The following CFAP54 variants were observed in gnomAD, a reference collection of about 807,000 sequenced individuals.
CFAP54 encodes the protein cilia- and flagella-associated protein 54.
Under a neutral mutation model 370.4 loss-of-function variants are expected in CFAP54, and 290 were observed. The ratio of observed to expected loss-of-function variants is 0.78; its 90% CI spans 0.71 to 0.86. The LOEUF (loss-of-function observed/expected upper bound fraction) is 0.86. Among genes scored for constraint, CFAP54 ranks in the 40% least tolerant of loss-of-function variants. CFAP54 has a pLI of 0.00. For missense variants in CFAP54, 3,399 were observed against 3,528.7 expected (o/e 0.96, Z 0.93); for synonymous variants, 1,206 against 1,236.5 (o/e 0.98, Z 0.52).
chr12:96,715,938 C>T (rs1957672957), intron 48 of CFAP54, among the ~76,000 whole-genome samples: 1 of 152,114 alleles, frequency 6.6e-6, no homozygotes, highest in African/African-American at 2.4e-5. Flanking sequence ...AACATAGCAG[C>T]TAGTTCACTT....
chr12:96,671,954 AAGAGAAAGAAAGAAAGAGAGAGAG>A (rs1957151357), intron 39 of CFAP54, among the ~76,000 whole-genome samples: 3 of 151,446 alleles, frequency 2.0e-5, no homozygotes, highest in Admixed American at 1.3e-4. Flanking sequence ...GAGAGAAGGA[AAGAGAAAGAAAGAAAGAGAGAGAG>A]AGAGAAAGAA....
intron 62 of CFAP54, among the ~76,000 whole-genome samples, chr12:96,788,298 A>G (rs1958648775): frequency 6.6e-6 from 1 of 152,196 alleles, no homozygotes; most frequent in South Asian, 2.1e-4. Context: ...CAGGAGCATG[A>G]GCACATTTTT....
In CFAP54 at chr12:96,573,448, G is replaced by A. The variant is rs375570020; in HGVS notation, c.2620-3137G>A. Among the ~76,000 whole-genome samples the A allele has an allele frequency of 2.5e-4, 38 of 152,224 alleles. No homozygotes were observed. In the East Asian group the frequency reaches 4.4e-3, roughly 18 times the overall value. ...TCACCTTTTGTTACCCTTCAAGGGA[G>A]TCCTGTTCTGTGGTACATTCGTCCC... is the stretch of plus-strand genomic sequence containing the variant. On this transcript the variant is annotated intron_variant, in intron 19 of 67. Transcript: ENST00000524981.
intron 63 of CFAP54, among the ~76,000 whole-genome samples, chr12:96,801,501 G>T (rs1218876901): frequency 2.6e-5 from 4 of 152,088 alleles, no homozygotes; most frequent in Non-Finnish European, 5.9e-5. Flanking sequence ...TGCAAAGGGT[G>T]GTTTATTTAA....
intron 44 of CFAP54, among the ~76,000 whole-genome samples, chr12:96,692,963 T>C (rs1957402290): frequency 6.6e-6 from 1 of 152,196 alleles, no homozygotes; most frequent in South Asian, 2.1e-4. Flanking sequence ...TGTTCCAGTG[T>C]TAGGCAAAAC....
intron 6 of CFAP54, 31 bp downstream of exon 6, chr12:96,519,102 G>GTT (rs377034711): frequency 9.9e-3 from 12,793 of 1,291,660 alleles, no homozygotes; most frequent in South Asian, 0.022. Flanking sequence ...GAGGAGTCGA[G>GTT]TTTTTTTTTT....
intron 65 of CFAP54, among the ~76,000 whole-genome samples, chr12:96,826,922 TTA>T (rs1217759003): frequency 1.5e-5 from 2 of 130,406 alleles, no homozygotes; most frequent in Non-Finnish European, 3.1e-5. Flanking sequence ...TTATATATGA[TTA>T]TATATAATAT....
At chr12:96,611,984 G>A (rs548923536) in intron 26 of CFAP54, among the ~76,000 whole-genome samples, 13 of 152,260 alleles carry the variant, frequency 8.5e-5, no homozygotes, top group Middle Eastern at 3.4e-3. Context: ...GATATTATCC[G>A]GGAGAACTTC....
At chr12:96,568,321 A>G (rs1428883059) in intron 19 of CFAP54, among the ~76,000 whole-genome samples, 1 of 152,092 alleles carries the variant, frequency 6.6e-6, no homozygotes, top group East Asian at 1.9e-4. Flanking sequence ...ATAATGTCCT[A>G]TTAGGATAGA....
intron 48 of CFAP54, among the ~76,000 whole-genome samples, chr12:96,711,677 C>A (rs958493954): frequency 6.6e-6 from 1 of 152,176 alleles, no homozygotes; most frequent in South Asian, 2.1e-4. Context: ...GATGTTTAAT[C>A]ATTTGCTGTA....
At position 96,564,495 on chromosome 12, in the gene CFAP54, A is replaced by T. The variant is rs981395379; in HGVS notation, c.2438A>T (p.Asp813Val). The change falls in exon 18 of 68, where the codon GAT becomes GTT. Residue 813 changes from aspartate to valine, a missense_variant. Physicochemically the swap from Asp to Val is radical, Grantham distance 152. Coordinates refer to ENST00000524981, the MANE Select transcript of CFAP54 (RefSeq NM_001306084.2). ...TTGCAGACTCCAACTGTTAGCAAAG[A>T]TATTTCTACCAAGGGTCCGGAAAAG... is the stretch of plus-strand genomic sequence containing the variant. ...QVLQTPTVSK[D>V]ISTKGPEKLK... 1.4e-6 allele frequency: 1 copy of T among 698,436 alleles called. No individual in the cohort carries two copies. The highest frequency in any genetic ancestry group is 2.6e-6 in the Non-Finnish European group (1 of 382,572). 43.3% of individuals were successfully genotyped at this position (698,436 alleles called of 1,614,324 possible).
At chr12:96,621,136 G>A (rs1007862242) in intron 26 of CFAP54, among the ~76,000 whole-genome samples, 3 of 152,204 alleles carry the variant, frequency 2.0e-5, no homozygotes, top group African/African-American at 4.8e-5. Flanking sequence ...AGAATGTCTT[G>A]TAAATCACTT....
intron 15 of CFAP54, among the ~76,000 whole-genome samples, chr12:96,553,264 T>TCA (rs1365549022): frequency 2.0e-5 from 3 of 152,160 alleles, no homozygotes; most frequent in Non-Finnish European, 4.4e-5. Context: ...CCAGCAGGAA[T>TCA]AAGTTTCAAC....
rs770508035 is a variant in CFAP54, at chr12:96,527,360, CA to C, written c.1276del (p.Thr426LeufsTer26). On this transcript the variant is annotated frameshift_variant, in exon 9 of 68. Coordinates refer to ENST00000524981, the MANE Select transcript of CFAP54 (RefSeq NM_001306084.2). LOFTEE classifies it high-confidence loss of function. ...TTCTGATTCAAATAGGCGAATACTG[CA>C]AACTGGACCCATTGTTACAGATGAA... ...ALSDSNRRIL[Q>X]TGPIVTDEVE... The C allele has an allele frequency of 3.9e-5, 60 of 1,535,488 alleles. No individual in the cohort carries two copies. Among genetic ancestry groups the C allele is most frequent in the Non-Finnish European group, 5.1e-5 (59 of 1,146,628 alleles).
chr12:96,547,949 G>T lies in CFAP54; in HGVS notation c.2125G>T (p.Gly709Trp). 1 of 1,494,144 alleles carries T rather than the reference G, an allele frequency of 6.7e-7. No homozygotes were observed. Among genetic ancestry groups the T allele is most frequent in the South Asian group, 1.3e-5 (1 of 78,140 alleles). The allele number at this position is 1,494,144 out of a possible 1,614,324, so 92.6% of individuals were successfully genotyped here. Residue 709 changes from glycine to tryptophan, a missense_variant, in exon 15 of 68, where the codon GGG becomes TGG. By Grantham distance (184) the Gly-to-Trp change is radical. Transcript: ENST00000524981. ...GTNKFPGAPK[G>W]ITEILPILQK... is the part of the protein sequence containing the mutation. ...TAACAAATTCCCTGGAGCTCCAAAAGGGATCACAGAAATTCTTCCAATATT... is the reference window on the plus strand; with the variant it reads ...TAACAAATTCCCTGGAGCTCCAAAATGGATCACAGAAATTCTTCCAATATT...
intron 66 of CFAP54, among the ~76,000 whole-genome samples, chr12:96,848,568 G>A (rs983676371): frequency 3.4e-4 from 52 of 152,196 alleles, no homozygotes; most frequent in African/African-American, 1.0e-3. Context: ...GTGGTGGCAT[G>A]TGCCTGTAGT....
chr12:96,642,087 A>AT (rs1189617458), intron 32 of CFAP54, among the ~76,000 whole-genome samples: 2 of 152,142 alleles, frequency 1.3e-5, no homozygotes, highest in East Asian at 3.8e-4. Flanking sequence ...AAAAAAAGAA[A>AT]AGAATGGTAT....
intron 42 of CFAP54, 86 bp from the exon 43 acceptor site, chr12:96,688,830 T>C (rs1390898765): frequency 3.0e-6 from 2 of 673,222 alleles, no homozygotes; most frequent in Non-Finnish European, 5.0e-6. Context: ...ACTTTTTGTG[T>C]TCTAGATATA....
chr12:96,654,794 A>G (rs575306161), intron 36 of CFAP54, among the ~76,000 whole-genome samples: 1 of 143,086 alleles, frequency 7.0e-6, no homozygotes, highest in Admixed American at 7.1e-5. Flanking sequence ...GTGAGAGCAT[A>G]CAATATTTGT....
Sources: gnomAD v4.1 joint callset for allele counts (sites outside exome capture counted in the v4.1 genomes callset) on GRCh38, gnomAD v4.1.1 for gene constraint, MANE v1.5 for transcripts, NCBI Gene and HGNC (gene_info 2026-07-23, HGNC 2026-07-21) for gene names.